CSMD1: variants seen among roughly 807,000 people sequenced by gnomAD.
CSMD1 encodes CUB and Sushi multiple domains 1.
Under a neutral mutation model 417.5 loss-of-function variants are expected in CSMD1, and 213 were observed. That is an observed-to-expected ratio of 0.51 (90% CI 0.46 to 0.57). The LOEUF is 0.57. Ranked by LOEUF, CSMD1 falls within the 20% of genes least tolerant of loss-of-function variation. The pLI is 0.00. For synonymous variants in CSMD1, 2,862 were observed against 1,736.8 expected (o/e 1.65, Z -16.11); for missense variants, 6,923 against 4,529.7 (o/e 1.53, Z -15.17).
intron 20 of CSMD1, among the ~76,000 whole-genome samples, chr8:3,360,584 G>A (rs1168409981): frequency 6.6e-6 from 1 of 152,206 alleles, no homozygotes; most frequent in Non-Finnish European, 1.5e-5. Flanking sequence ...TATTGGAATG[G>A]TAAGAAGAGT....
At chr8:4,287,075 A>T (rs1451882500) in intron 3 of CSMD1, among the ~76,000 whole-genome samples, 2 of 152,234 alleles carry the variant, frequency 1.3e-5, no homozygotes, top group Non-Finnish European at 2.9e-5. Flanking sequence ...ACTTGAGAGA[A>T]CAAAAAAGAG....
intron 5 of CSMD1, among the ~76,000 whole-genome samples, chr8:3,882,926 T>C (rs764958286): frequency 1.2e-4 from 19 of 152,192 alleles, no homozygotes; most frequent in Non-Finnish European, 2.4e-4. Flanking sequence ...ATGTTCTGCA[T>C]CTTGGCCTTG....
intron 1 of CSMD1, among the ~76,000 whole-genome samples, chr8:4,853,326 A>T (rs1016103195): frequency 1.3e-5 from 2 of 152,210 alleles, no homozygotes; most frequent in Non-Finnish European, 2.9e-5. Flanking sequence ...GAAGCCAGGA[A>T]TGCAAGGTGG....
intron 1 of CSMD1, among the ~76,000 whole-genome samples, chr8:4,687,076 C>T (rs892968386): frequency 3.3e-5 from 5 of 152,176 alleles, no homozygotes; most frequent in African/African-American, 9.7e-5. Context: ...TCAGGCGAGC[C>T]GGCCCCTGTG....
At chr8:3,954,684 TC>T (rs1190425017) in intron 5 of CSMD1, among the ~76,000 whole-genome samples, 2 of 152,152 alleles carry the variant, frequency 1.3e-5, no homozygotes, top group African/African-American at 4.8e-5. Context: ...TTGTATAGAC[TC>T]CCCTCTTTCC....
chr8:4,067,032 A>T (rs1364003755), intron 3 of CSMD1, among the ~76,000 whole-genome samples: 1 of 152,254 alleles, frequency 6.6e-6, no homozygotes, highest in Non-Finnish European at 1.5e-5. Context: ...AGTTTTGTGT[A>T]TGATGAAAAT....
At chr8:4,647,403 G>C (rs7823662) in intron 1 of CSMD1, among the ~76,000 whole-genome samples, 98 of 131,258 alleles carry the variant, frequency 7.5e-4, no homozygotes, top group East Asian at 3.4e-3. Context: ...AGGTCTGTTA[G>C]GTAGGTACGC....
chr8:4,260,555 T>C (rs548461775), intron 3 of CSMD1, among the ~76,000 whole-genome samples: 7 of 152,358 alleles, frequency 4.6e-5, no homozygotes, highest in African/African-American at 1.7e-4. Flanking sequence ...ACCTGGATTT[T>C]ATTGACTCCT....
Position 3,636,990 on chromosome 8 carries a change from C to G in CSMD1, c.1010-20193G>C, listed in dbSNP as rs1261907157. Among the ~76,000 whole-genome samples, 4 of 152,116 alleles carry G rather than the reference C, an allele frequency of 2.6e-5. No individual in the cohort carries two copies. In the South Asian group the frequency reaches 8.3e-4, roughly 31 times the overall value. ...TGCGAATTTGTCTCTCTCTCTCTTTCTCTCTGCTTGTTGCCCATCTGCCTT... is the reference window on the plus strand; with the variant it reads ...TGCGAATTTGTCTCTCTCTCTCTTTGTCTCTGCTTGTTGCCCATCTGCCTT... On this transcript the variant is annotated intron_variant, in intron 7 of 69. Coordinates refer to ENST00000635120, the MANE Select transcript of CSMD1 (RefSeq NM_033225.6).
intron 5 of CSMD1, among the ~76,000 whole-genome samples, chr8:3,951,180 G>A (rs1711753780): frequency 6.6e-6 from 1 of 152,150 alleles, no homozygotes; most frequent in South Asian, 2.1e-4. Context: ...GCAAATTCCT[G>A]CCATGTGAGA....
At chr8:4,201,417 A>T (rs1284826195) in intron 3 of CSMD1, among the ~76,000 whole-genome samples, 6 of 152,072 alleles carry the variant, frequency 3.9e-5, no homozygotes, top group East Asian at 3.9e-4. Context: ...GGGCGCCTGT[A>T]GTCCCAGCTA....
intron 8 of CSMD1, among the ~76,000 whole-genome samples, chr8:3,609,988 G>C (rs771874929): frequency 2.6e-5 from 4 of 151,698 alleles, no homozygotes; most frequent in East Asian, 3.9e-4. Flanking sequence ...TTTTAGTAGA[G>C]ACAGGATTTC....
At chr8:3,329,212 T>C (rs543779259) in intron 23 of CSMD1, among the ~76,000 whole-genome samples, 3 of 152,148 alleles carry the variant, frequency 2.0e-5, no homozygotes, top group East Asian at 3.9e-4. Context: ...ATATTATCAA[T>C]AACAGAGGAG....
intron 49 of CSMD1, among the ~76,000 whole-genome samples, chr8:3,071,105 C>A (rs1813295949): frequency 6.6e-6 from 1 of 152,170 alleles, no homozygotes; most frequent in Non-Finnish European, 1.5e-5. Context: ...CTCAAAAACA[C>A]TTATTATCAT....
intron 41 of CSMD1, among the ~76,000 whole-genome samples, chr8:3,124,570 G>T (rs1232881344): frequency 2.0e-5 from 3 of 152,094 alleles, no homozygotes; most frequent in African/African-American, 7.2e-5. Flanking sequence ...TGGGATAAGG[G>T]GAGAGTTTCA....
chr8:3,352,192 G>A (rs1322006762), intron 21 of CSMD1, among the ~76,000 whole-genome samples: 3 of 152,170 alleles, frequency 2.0e-5, no homozygotes, highest in Admixed American at 1.3e-4. Context: ...ACTCTCAGGT[G>A]CAAGACAAAT....
chr8:4,180,287 T>G (rs1798286631), intron 3 of CSMD1, among the ~76,000 whole-genome samples: 1 of 151,972 alleles, frequency 6.6e-6, no homozygotes. Context: ...GGGATATGGA[T>G]GACACTGGAA....
intron 1 of CSMD1, among the ~76,000 whole-genome samples, chr8:4,775,717 G>C (rs1796819160): frequency 6.6e-6 from 1 of 152,182 alleles, no homozygotes; most frequent in Non-Finnish European, 1.5e-5. Context: ...GGCCCACGTG[G>C]GGATGGGATA....
chr8:3,917,336 T>C (rs1441793704), intron 5 of CSMD1, among the ~76,000 whole-genome samples: 1 of 152,086 alleles, frequency 6.6e-6, no homozygotes, highest in Non-Finnish European at 1.5e-5. Flanking sequence ...TGCTAAGTTT[T>C]GCAAATATAC....
Sources: allele counts gnomAD v4.1 joint callset (sites outside exome capture counted in the v4.1 genomes callset), GRCh38; gene constraint gnomAD v4.1.1; transcripts MANE v1.5; gene names NCBI Gene and HGNC (gene_info 2026-07-23, HGNC 2026-07-21).